Variants in SUMF1 observed in about 807,000 individuals in gnomAD.
The protein encoded by SUMF1 is sulfatase modifying factor 1, also known as formylglycine-generating enzyme.
A neutral mutation model predicts 47.6 loss-of-function variants in SUMF1; 48 were observed. The ratio of observed to expected loss-of-function variants is 1.01; its 90% CI spans 0.80 to 1.28. The LOEUF is 1.28. Among genes scored for constraint, SUMF1 ranks in the 50% most tolerant of loss-of-function variants. The pLI is 0.00. For missense variants in SUMF1, 571 were observed against 485.4 expected (o/e 1.18, Z -1.66); for synonymous variants, 230 against 192.1 (o/e 1.20, Z -1.63).
At chr3:4,194,212 T>A (rs1695381473) in intron 8 of SUMF1, among the ~76,000 whole-genome samples, 1 of 152,124 alleles carries the variant, frequency 6.6e-6, no homozygotes, top group African/African-American at 2.4e-5. Flanking sequence ...TAGATTTAAA[T>A]AGCCACATGA....
chr3:4,196,144 G>A (rs1180743377), intron 8 of SUMF1, among the ~76,000 whole-genome samples: 1 of 152,096 alleles, frequency 6.6e-6, no homozygotes, highest in Non-Finnish European at 1.5e-5. Context: ...CACATAAGGG[G>A]AAGTCCAGAA....
intron 9 of SUMF1, among the ~76,000 whole-genome samples, chr3:4,040,841 A>G (rs985206493): frequency 6.6e-6 from 1 of 152,150 alleles, no homozygotes; most frequent in African/African-American, 2.4e-5. Flanking sequence ...GGGGTGTGAA[A>G]CATTTTTATT....
chr3:4,068,973 C>T (rs1695449769), intron 8 of SUMF1, among the ~76,000 whole-genome samples: 1 of 151,962 alleles, frequency 6.6e-6, no homozygotes, highest in Non-Finnish European at 1.5e-5. Context: ...GGGCCTGAAC[C>T]CTTTTATGAA....
intron 8 of SUMF1, among the ~76,000 whole-genome samples, chr3:4,202,727 C>T (rs1452232420): frequency 6.6e-6 from 1 of 151,906 alleles, no homozygotes; most frequent in East Asian, 1.9e-4. Flanking sequence ...ATTGGTTCTT[C>T]CAGTCCATGA....
intron 8 of SUMF1, among the ~76,000 whole-genome samples, chr3:4,235,334 G>T (rs1216109697): frequency 6.6e-6 from 1 of 152,042 alleles, no homozygotes; most frequent in East Asian, 1.9e-4. Flanking sequence ...CTAGGGGTAA[G>T]GATAAATACA....
At chr3:4,445,394 A>G (rs552625670) in intron 3 of SUMF1, among the ~76,000 whole-genome samples, 7 of 152,288 alleles carry the variant, frequency 4.6e-5, no homozygotes, top group Non-Finnish European at 7.4e-5. Flanking sequence ...CTGGAGTACA[A>G]TGGTGCCATC....
chr3:4,101,528 A>G (rs535075246), intron 8 of SUMF1, among the ~76,000 whole-genome samples: 1 of 152,240 alleles, frequency 6.6e-6, no homozygotes, highest in East Asian at 1.9e-4. Flanking sequence ...AGCTTGGTCA[A>G]CAGACACAAA....
intron 8 of SUMF1, among the ~76,000 whole-genome samples, chr3:4,151,641 C>T (rs1358277630): frequency 2.0e-5 from 3 of 147,254 alleles, no homozygotes; most frequent in African/African-American, 5.1e-5. Context: ...CTGGACCACA[C>T]TGGAAGAAGA....
At chr3:4,099,011 G>C (rs576124563) in intron 8 of SUMF1, among the ~76,000 whole-genome samples, 1 of 152,102 alleles carries the variant, frequency 6.6e-6, no homozygotes, top group African/African-American at 2.4e-5. Flanking sequence ...CAGTAAAGAA[G>C]ACTCTGGCCA....
intron 8 of SUMF1, among the ~76,000 whole-genome samples, chr3:4,173,049 C>G (rs1470497371): frequency 6.6e-6 from 1 of 152,070 alleles, no homozygotes; most frequent in Non-Finnish European, 1.5e-5. Flanking sequence ...AGGAAGGGGT[C>G]CAGTTTCAGT....
chr3:4,227,524 C>G (rs1421806905), intron 8 of SUMF1, among the ~76,000 whole-genome samples: 3 of 152,108 alleles, frequency 2.0e-5, no homozygotes, highest in African/African-American at 7.2e-5. Flanking sequence ...CTGAGTCACC[C>G]CTCCCTCACA....
At chr3:4,067,229 G>C (rs961909610) in intron 9 of SUMF1, among the ~76,000 whole-genome samples, 1 of 152,092 alleles carries the variant, frequency 6.6e-6, no homozygotes, top group African/African-American at 2.4e-5. Flanking sequence ...GGGTTATTTG[G>C]TGTATCAGTA....
intron 8 of SUMF1, among the ~76,000 whole-genome samples, chr3:4,139,564 A>T (rs1694025535): frequency 7.9e-6 from 1 of 126,288 alleles, no homozygotes; most frequent in South Asian, 2.3e-4. Context: ...ACTTATATAT[A>T]TGCATGTGTG....
intron 8 of SUMF1, among the ~76,000 whole-genome samples, chr3:4,106,625 G>C (rs935782430): frequency 6.6e-6 from 1 of 152,044 alleles, no homozygotes; most frequent in Non-Finnish European, 1.5e-5. Flanking sequence ...GAAACTTGAA[G>C]GCAACAGGAA....
chr3:4,330,236 C>T (rs1699023193), intron 8 of SUMF1, among the ~76,000 whole-genome samples: 1 of 152,210 alleles, frequency 6.6e-6, no homozygotes, highest in Non-Finnish European at 1.5e-5. Context: ...TACCCAGTTC[C>T]AAAGTCTCTT....
chr3:4,145,125 G>A (rs1160761357), intron 8 of SUMF1, among the ~76,000 whole-genome samples: 3 of 150,976 alleles, frequency 2.0e-5, no homozygotes, highest in Non-Finnish European at 2.9e-5. Context: ...CCCAGGAGGC[G>A]GAGCTTGCAG....
chr3:4,311,176 C>G (rs1698390585), intron 8 of SUMF1, among the ~76,000 whole-genome samples: 1 of 152,204 alleles, frequency 6.6e-6, no homozygotes, highest in African/African-American at 2.4e-5. Context: ...TCATCTTTCA[C>G]AAGAGGATGT....
At chr3:4,111,683 G>A (rs566353984) in intron 8 of SUMF1, among the ~76,000 whole-genome samples, 1 of 152,156 alleles carries the variant, frequency 6.6e-6, no homozygotes, top group Admixed American at 6.5e-5. Flanking sequence ...AGGTTGCAGT[G>A]AGCCGAGATT....
chr3:4,186,250 C>G (rs1375301874), intron 8 of SUMF1, among the ~76,000 whole-genome samples: 1 of 152,096 alleles, frequency 6.6e-6, no homozygotes, highest in East Asian at 1.9e-4. Context: ...AGAAGAGAAT[C>G]AGAACCTGAA....
Sources: gnomAD v4.1 joint callset for allele counts (sites outside exome capture counted in the v4.1 genomes callset) on GRCh38, gnomAD v4.1.1 for gene constraint, MANE v1.5 for transcripts, NCBI Gene and HGNC (gene_info 2026-07-23, HGNC 2026-07-21) for gene names.